LAMA2: variants seen among roughly 807,000 people sequenced by gnomAD.
LAMA2 encodes the protein laminin subunit alpha 2.
Under a neutral mutation model 364.8 loss-of-function variants are expected in LAMA2, and 269 were observed. That is an observed-to-expected ratio of 0.74 (90% CI 0.67 to 0.82). The LOEUF (loss-of-function observed/expected upper bound fraction) is 0.82, where lower values mean the gene tolerates loss of function less well. Ranked by LOEUF, LAMA2 falls within the 40% of genes least tolerant of loss-of-function variation. LAMA2 has a pLI of 0.00. For missense variants in LAMA2, 3,807 were observed against 3,873.2 expected, an observed-to-expected ratio of 0.98 and a Z score of 0.45; for synonymous variants, 1,379 against 1,370.6, an observed-to-expected ratio of 1.01 and a Z score of -0.14.
intron 14 of LAMA2, among the ~76,000 whole-genome samples, chr6:129,258,678 C>T (rs1786880251): frequency 6.6e-6 from 1 of 151,934 alleles, no homozygotes; most frequent in Admixed American, 6.6e-5. Flanking sequence ...AAATTTTCAT[C>T]CTACCCCAAA....
At chr6:129,514,976 T>C (rs997580806) in intron 64 of LAMA2, among the ~76,000 whole-genome samples, 30 of 152,316 alleles carry the variant, frequency 2.0e-4, no homozygotes, top group Non-Finnish European at 2.1e-4. Flanking sequence ...ATGGAACTTA[T>C]TTCCTCAAGT....
chr6:129,317,633 A>G (rs1395088500), intron 27 of LAMA2, among the ~76,000 whole-genome samples: 3 of 152,320 alleles, frequency 2.0e-5, no homozygotes, highest in East Asian at 1.9e-4. Context: ...GCTGTTATCT[A>G]TACTGTTAAT....
In LAMA2 at chr6:129,304,166, C is replaced by T. The variant is rs568354076; in HGVS notation, c.3174+3294C>T. ...GATAATAATATGGTAGTAATAGGAA[C>T]AAGTTTTGCCTAATAAATGTGATAA... is the stretch of plus-strand genomic sequence containing the variant. On this transcript the variant is annotated intron_variant, in intron 22 of 64. Transcript: ENST00000421865. 5.9e-5 allele frequency among the ~76,000 whole-genome samples: 9 copies of T among 152,278 alleles called. No homozygotes were observed. The South Asian group carries it at 1.9e-3, about 32-fold the overall frequency.
intron 32 of LAMA2, among the ~76,000 whole-genome samples, chr6:129,361,488 G>A (rs907483738): frequency 3.9e-5 from 6 of 152,212 alleles, no homozygotes; most frequent in African/African-American, 1.2e-4. Context: ...AGCTCAGTTG[G>A]ACAGATCTTC....
At chr6:129,459,941 G>A (rs1471737930) in intron 48 of LAMA2, among the ~76,000 whole-genome samples, 2 of 152,050 alleles carry the variant, frequency 1.3e-5, no homozygotes, top group East Asian at 3.9e-4. Flanking sequence ...ATTTACTGAT[G>A]ATGAAAACTG....
chr6:129,401,115 G>T, intron 37 of LAMA2, 109 bp from the exon 38 acceptor site: 1 of 798,454 alleles, frequency 1.3e-6, no homozygotes, highest in Non-Finnish European at 2.2e-6. Flanking sequence ...TCAACATGAT[G>T]TACCTTTTTT....
chr6:129,046,333 A>C (rs1309746913), intron 1 of LAMA2, among the ~76,000 whole-genome samples: 1 of 152,216 alleles, frequency 6.6e-6, no homozygotes, highest in Non-Finnish European at 1.5e-5. Context: ...AAATAGGTTT[A>C]ATAGACTCAC....
At chr6:129,426,288 T>G (rs1781320913) in intron 40 of LAMA2, among the ~76,000 whole-genome samples, 6 of 152,172 alleles carry the variant, frequency 3.9e-5, no homozygotes, top group Admixed American at 3.9e-4. Flanking sequence ...TTAGAGAATC[T>G]TCACACATTC....
rs545221272 is a variant in LAMA2, at chr6:129,315,046, G to C, written c.3555+248G>C. Among the ~76,000 whole-genome samples, 33 of 152,244 alleles carry C rather than the reference G, an allele frequency of 2.2e-4. No homozygotes were observed. In the South Asian group the frequency reaches 3.3e-3, roughly 15 times the overall value. ...ATGCCAAGTGAAAAAGAGGAACCTT[G>C]TCCGGGAAGCATTATGTTTTGAGAT... On this transcript the variant is annotated intron_variant, in intron 24 of 64. Coordinates refer to ENST00000421865, the MANE Select transcript of LAMA2 (RefSeq NM_000426.4).
chr6:129,137,571 T>C (rs1056877328), intron 4 of LAMA2, among the ~76,000 whole-genome samples: 3 of 151,648 alleles, frequency 2.0e-5, no homozygotes, highest in African/African-American at 7.2e-5. Flanking sequence ...CTAGAATAAA[T>C]AAATTTATAC....
rs568731514 is a variant in LAMA2 at position 129,162,555 on chromosome 6, T to G, written c.1207-3021T>G. Among the ~76,000 whole-genome samples, 7 of 152,240 alleles carry G rather than the reference T, an allele frequency of 4.6e-5. No homozygotes were observed. In the East Asian group the frequency reaches 1.4e-3, roughly 29 times the overall value. On this transcript the variant is annotated intron_variant, in intron 8 of 64. Transcript: ENST00000421865. ...AATCTACTTTCATTATTGAAGGATA[T>G]TTTCCACATAGTTACAGAGGTGTGT...
At chr6:129,301,466 T>G (rs1314607023) in intron 22 of LAMA2, among the ~76,000 whole-genome samples, 1 of 152,110 alleles carries the variant, frequency 6.6e-6, no homozygotes, top group Non-Finnish European at 1.5e-5. Flanking sequence ...ACCCAGTCAA[T>G]GAGCGTCAGT....
In LAMA2 at chr6:129,387,497, C is replaced by T. The variant is rs966167986; in HGVS notation, c.5072-3994C>T. Among the ~76,000 whole-genome samples the T allele has an allele frequency of 7.9e-5, 12 of 152,234 alleles. No individual in the cohort carries two copies. The South Asian group carries it at 1.5e-3, about 18-fold the overall frequency. On this transcript the variant is annotated intron_variant, in intron 35 of 64. Coordinates refer to ENST00000421865, the MANE Select transcript of LAMA2 (RefSeq NM_000426.4). Reference sequence around the variant, plus strand: ...TTAACCATTGTGGAAGACAGTGTGGCGATTCCTCAAGGATCCAGAACCAGA... The same window carrying T: ...TTAACCATTGTGGAAGACAGTGTGGTGATTCCTCAAGGATCCAGAACCAGA...
intron 1 of LAMA2, among the ~76,000 whole-genome samples, 170 bp downstream of exon 1, chr6:128,883,527 A>C (rs1293504998): frequency 2.0e-5 from 3 of 152,006 alleles, no homozygotes; most frequent in Non-Finnish European, 4.4e-5. Context: ...ATGCCATGAG[A>C]GCGTAGTGTA....
intron 1 of LAMA2, among the ~76,000 whole-genome samples, chr6:128,937,148 G>C (rs1779874514): frequency 6.6e-6 from 1 of 152,176 alleles, no homozygotes; most frequent in African/African-American, 2.4e-5. Context: ...AAGCATAAGT[G>C]AGAATACTAT....
At chr6:129,463,174 T>TA (rs1218010248) in intron 49 of LAMA2, among the ~76,000 whole-genome samples, 2 of 151,982 alleles carry the variant, frequency 1.3e-5, no homozygotes, top group East Asian at 3.9e-4. Context: ...ATAGCATAAT[T>TA]AATCTATACT....
At chr6:129,352,886 G>T (rs557060930) in intron 31 of LAMA2, among the ~76,000 whole-genome samples, 1 of 150,892 alleles carries the variant, frequency 6.6e-6, no homozygotes, top group East Asian at 1.9e-4. Flanking sequence ...ATATTACAAA[G>T]TAATTTAACA....
rs546225612 is a variant in LAMA2, at chr6:129,387,088, G to A, written c.5071+3855G>A. ...CAACCTCATGACTGAGCTGCACAGT[G>A]ATGTCCTATAGAAACTTTATGGGGT... is the stretch of plus-strand genomic sequence containing the variant. On this transcript the variant is annotated intron_variant, in intron 35 of 64. Transcript: ENST00000421865. Among the ~76,000 whole-genome samples, 276 of 150,850 alleles carry A rather than the reference G, an allele frequency of 1.8e-3. 2 individuals carry two copies. The highest frequency in any genetic ancestry group is 3.3e-3 in the Admixed American group (50 of 15,154).
intron 1 of LAMA2, among the ~76,000 whole-genome samples, chr6:129,037,721 G>C (rs953895289): frequency 6.7e-6 from 1 of 150,072 alleles, no homozygotes; most frequent in Admixed American, 6.6e-5. Flanking sequence ...GCTGGATGGA[G>C]TGCAGTGGCG....
Sources: gnomAD v4.1 joint callset for allele counts (sites outside exome capture counted in the v4.1 genomes callset) on GRCh38, gnomAD v4.1.1 for gene constraint, MANE v1.5 for transcripts, NCBI Gene and HGNC (gene_info 2026-07-23, HGNC 2026-07-21) for gene names.